Variants in CXCL13 observed in about 807,000 individuals in gnomAD.
CXCL13 encodes the protein C-X-C motif chemokine ligand 13.
Under a neutral mutation model 12.2 loss-of-function variants are expected in CXCL13, and 7 were observed. The ratio of observed to expected loss-of-function variants is 0.57; its 90% CI spans 0.33 to 1.07. The LOEUF is 1.07. Ranked by LOEUF, CXCL13 falls within the 50% of genes least tolerant of loss-of-function variation. The pLI is 0.04. For synonymous variants in CXCL13, 47 were observed against 42.4 expected (o/e 1.11, Z -0.42); for missense variants, 113 against 127.4 (o/e 0.89, Z 0.55).
intron 1 of CXCL13, among the ~76,000 whole-genome samples, chr4:77,558,918 C>A (rs1453364887): frequency 6.6e-6 from 1 of 152,190 alleles, no homozygotes; most frequent in South Asian, 2.1e-4. Flanking sequence ...AGAACTCTGC[C>A]TTTCACCCCT....
intron 1 of CXCL13, among the ~76,000 whole-genome samples, chr4:77,519,972 A>C (rs1188413696): frequency 1.3e-5 from 2 of 152,210 alleles, no homozygotes; most frequent in South Asian, 4.1e-4. Flanking sequence ...TAAATAGGGA[A>C]TGCTTTCTCC....
chr4:77,567,028 G>A lies in CXCL13; in HGVS notation c.-42-38796G>A, dbSNP rs140729924. ...TTAACTGATGACATCCCACCATTGC[G>A]ATTTGTTCCTGCCTCACCCTAACTG... On this transcript the variant is annotated intron_variant, in intron 1 of 4. Transcript: ENST00000286758. 4.5e-3 allele frequency among the ~76,000 whole-genome samples: 683 copies of A among 152,194 alleles called. 17 individuals carry two copies. The highest frequency in any genetic ancestry group is 0.027 in the East Asian group (138 of 5,172).
intron 1 of CXCL13, among the ~76,000 whole-genome samples, chr4:77,513,275 A>G (rs113957844): frequency 0.056 from 8,586 of 152,228 alleles, 761 homozygotes; most frequent in African/African-American, 0.19. Context: ...AGCCTGATTT[A>G]TAATCCTTTG....
intron 1 of CXCL13, among the ~76,000 whole-genome samples, chr4:77,522,292 T>G (rs114915886): frequency 6.6e-6 from 1 of 151,950 alleles, no homozygotes; most frequent in Non-Finnish European, 1.5e-5. Flanking sequence ...GGTGTTAAAG[T>G]CTTCCATCAT....
rs557552218 is a variant in CXCL13 at position 77,519,604 on chromosome 4, C to T, written c.-43+7816C>T. On this transcript the variant is annotated intron_variant, in intron 1 of 4. Coordinates refer to the CXCL13 transcript ENST00000286758. ...AATTTGTTTGAGTTCTTTGTAGATT[C>T]TGGATATTAGCCCTTTGTCAGATGG... Among the ~76,000 whole-genome samples, 11 of 152,216 alleles carry T rather than the reference C, an allele frequency of 7.2e-5. No homozygotes were observed. The South Asian group carries it at 2.3e-3, about 32-fold the overall frequency.
chr4:77,521,060 A>G (rs1434617051), intron 1 of CXCL13, among the ~76,000 whole-genome samples: 1 of 152,162 alleles, frequency 6.6e-6, no homozygotes, highest in African/African-American at 2.4e-5. Flanking sequence ...CATCCCAGGG[A>G]TGAAGCCAAC....
chr4:77,529,647 G>A (rs943617531), intron 1 of CXCL13, among the ~76,000 whole-genome samples: 1 of 152,198 alleles, frequency 6.6e-6, no homozygotes, highest in African/African-American at 2.4e-5. Context: ...CTTTGCTGAA[G>A]TTGCCTATCG....
chr4:77,538,976 C>T (rs1415067420), intron 1 of CXCL13, among the ~76,000 whole-genome samples: 2 of 151,854 alleles, frequency 1.3e-5, no homozygotes, highest in Non-Finnish European at 2.9e-5. Flanking sequence ...GTTTATTAAG[C>T]TTTAGAGCAG....
chr4:77,548,440 T>C (rs994862114), intron 1 of CXCL13, among the ~76,000 whole-genome samples: 1 of 152,230 alleles, frequency 6.6e-6, no homozygotes, highest in Non-Finnish European at 1.5e-5. Flanking sequence ...AACTTCCCTG[T>C]GCCCAAGGTC....
chr4:77,522,333 G>A (rs1578034409), intron 1 of CXCL13, among the ~76,000 whole-genome samples: 1 of 151,958 alleles, frequency 6.6e-6, no homozygotes, highest in African/African-American at 2.4e-5. Context: ...CTCTTTGTAG[G>A]TCTCTAAGGA....
chr4:77,548,636 T>C (rs896433420), intron 1 of CXCL13, among the ~76,000 whole-genome samples: 9 of 152,200 alleles, frequency 5.9e-5, no homozygotes, highest in African/African-American at 2.2e-4. Context: ...AAAATAATCT[T>C]TTCGTTAAGA....
At chr4:77,539,555 T>C (rs1725150864) in intron 1 of CXCL13, among the ~76,000 whole-genome samples, 5 of 152,224 alleles carry the variant, frequency 3.3e-5, no homozygotes, top group Admixed American at 2.6e-4. Flanking sequence ...CTTGGGAGAA[T>C]GCACAGTGTG....
chr4:77,598,355 C>T (rs72861963), intron 1 of CXCL13, among the ~76,000 whole-genome samples: 16 of 152,122 alleles, frequency 1.1e-4, no homozygotes, highest in Non-Finnish European at 2.4e-4. Context: ...CTGGATAGTG[C>T]CTGTCGTCTT....
At chr4:77,512,445 T>A (rs1560510755) in intron 1 of CXCL13, among the ~76,000 whole-genome samples, 2 of 152,208 alleles carry the variant, frequency 1.3e-5, no homozygotes, top group Non-Finnish European at 1.5e-5. Context: ...TGTCTATCCA[T>A]CCTGGAGGCT....
intron 1 of CXCL13, among the ~76,000 whole-genome samples, chr4:77,517,803 T>C (rs949618035): frequency 2.0e-5 from 3 of 152,208 alleles, no homozygotes; most frequent in Admixed American, 6.5e-5. Context: ...TTGAGTCCAT[T>C]TACATTTAAA....
chr4:77,574,012 AC>A (rs1433324821), intron 1 of CXCL13, among the ~76,000 whole-genome samples: 1 of 151,978 alleles, frequency 6.6e-6, no homozygotes, highest in African/African-American at 2.4e-5. Context: ...TTTGAGGAAA[AC>A]AAAGGGCTTG....
At chr4:77,590,672 G>A (rs1438216363) in intron 1 of CXCL13, among the ~76,000 whole-genome samples, 1 of 152,090 alleles carries the variant, frequency 6.6e-6, no homozygotes, top group South Asian at 2.1e-4. Context: ...TGAATTATTC[G>A]CTCTCCTGTG....
chr4:77,522,418 T>C (rs949086706), intron 1 of CXCL13, among the ~76,000 whole-genome samples: 3 of 152,002 alleles, frequency 2.0e-5, no homozygotes, highest in Non-Finnish European at 2.9e-5. Context: ...TCTTGTTGAA[T>C]TGATCCCTTA....
chr4:77,571,594 G>A (rs527700269), intron 1 of CXCL13, among the ~76,000 whole-genome samples: 2 of 151,908 alleles, frequency 1.3e-5, no homozygotes, highest in South Asian at 4.2e-4. Context: ...TGGGGACGTG[G>A]AGAACCTTTG....
Sources: gnomAD v4.1 joint callset for allele counts (sites outside exome capture counted in the v4.1 genomes callset) on GRCh38, gnomAD v4.1.1 for gene constraint, MANE v1.5 for transcripts, NCBI Gene and HGNC (gene_info 2026-07-23, HGNC 2026-07-21) for gene names.